CADM2: variants seen among roughly 807,000 people sequenced by gnomAD.
CADM2 encodes the protein immunoglobulin superfamily member 4D.
A neutral mutation model predicts 49.8 loss-of-function variants in CADM2; 12 were observed. The observed-to-expected ratio is 0.24, with a 90% CI of 0.15 to 0.39. CADM2 has a LOEUF of 0.39. Among genes scored for constraint, CADM2 ranks in the 10% least tolerant of loss-of-function variants. The probability of loss-of-function intolerance (pLI) is 1.00; values close to 1 mark genes in which losing one functional copy is unlikely to be tolerated. For synonymous variants in CADM2, 214 were observed against 175.4 expected, an observed-to-expected ratio of 1.22 and a Z score of -1.74; for missense variants, 378 against 492.3, an observed-to-expected ratio of 0.77 and a Z score of 2.20.
At chr3:85,506,597 C>T (rs1397390633) in intron 1 of CADM2, among the ~76,000 whole-genome samples, 1 of 151,876 alleles carries the variant, frequency 6.6e-6, no homozygotes, top group Non-Finnish European at 1.5e-5. Flanking sequence ...CGGGATATCA[C>T]TATGTTGCCC....
At chr3:85,745,109 A>T (rs2068560481) in intron 2 of CADM2, among the ~76,000 whole-genome samples, 1 of 152,152 alleles carries the variant, frequency 6.6e-6, no homozygotes, top group South Asian at 2.1e-4. Flanking sequence ...GAGAAAGGAA[A>T]GAGTCAAGGG....
chr3:85,979,469 T>A (rs2108663775), intron 8 of CADM2, among the ~76,000 whole-genome samples: 1 of 151,812 alleles, frequency 6.6e-6, no homozygotes, highest in African/African-American at 2.4e-5. Flanking sequence ...ATTTTATTTT[T>A]TTTAGTGTTA....
intron 1 of CADM2, among the ~76,000 whole-genome samples, chr3:85,272,906 C>A (rs2043273646): frequency 6.6e-6 from 1 of 151,208 alleles, no homozygotes; most frequent in Admixed American, 6.6e-5. Context: ...TAAGCAACAA[C>A]AACAACAACA....
intron 1 of CADM2, among the ~76,000 whole-genome samples, chr3:85,339,818 A>G (rs1461832611): frequency 1.3e-5 from 2 of 151,480 alleles, no homozygotes; most frequent in Non-Finnish European, 3.0e-5. Flanking sequence ...TGAAAGCTGT[A>G]TAACCAGTGA....
At chr3:85,228,483 C>G (rs1216440959) in intron 1 of CADM2, among the ~76,000 whole-genome samples, 3 of 151,652 alleles carry the variant, frequency 2.0e-5, no homozygotes, top group Non-Finnish European at 4.4e-5. Context: ...ATGTTGGTGA[C>G]CTGTGGATAG....
At chr3:84,977,513 A>G (rs926561195) in intron 1 of CADM2, among the ~76,000 whole-genome samples, 5 of 152,064 alleles carry the variant, frequency 3.3e-5, no homozygotes, top group African/African-American at 7.2e-5. Context: ...TTGTGAAAAG[A>G]TACATTTTTT....
chr3:85,981,282 G>A (rs1727452400), intron 8 of CADM2, among the ~76,000 whole-genome samples: 2 of 151,350 alleles, frequency 1.3e-5, no homozygotes, highest in African/African-American at 4.8e-5. Flanking sequence ...ATATTTCAAA[G>A]TGAAACTAAC....
intron 8 of CADM2, among the ~76,000 whole-genome samples, chr3:86,040,684 C>A (rs1735777994): frequency 1.3e-5 from 2 of 152,074 alleles, no homozygotes; most frequent in South Asian, 2.1e-4. Flanking sequence ...GAGAACTTCC[C>A]CAATCTAGCA....
rs573663072 is a variant in CADM2, at chr3:85,566,279, A to G, written c.62-160243A>G. Among the ~76,000 whole-genome samples the G allele has an allele frequency of 2.6e-5, 4 of 152,286 alleles. No homozygotes were observed. The South Asian group carries it at 8.3e-4, about 32-fold the overall frequency. On this transcript the variant is annotated intron_variant, in intron 1 of 9. Transcript: ENST00000383699. Reference sequence around the variant, plus strand: ...AATACATTCCTTTCTAGAAAACAATAGAAATTTGAAAGTAGATGAGATTAT... The same window carrying G: ...AATACATTCCTTTCTAGAAAACAATGGAAATTTGAAAGTAGATGAGATTAT...
intron 1 of CADM2, among the ~76,000 whole-genome samples, chr3:85,205,172 C>T (rs975382106): frequency 6.6e-6 from 1 of 150,782 alleles, no homozygotes; most frequent in South Asian, 2.1e-4. Context: ...CAGGTGCCAC[C>T]GTGCCTGGTT....
At chr3:85,657,727 CAGATATATATAT>C (rs1559574588) in intron 1 of CADM2, among the ~76,000 whole-genome samples, 1,706 of 103,016 alleles carry the variant, frequency 0.017, 13 homozygotes, top group Non-Finnish European at 0.023. Context: ...TATATATATA[CAGATATATATAT>C]ACAGATATAT....
chr3:85,734,590 CAT>C (rs1160270474), intron 2 of CADM2, among the ~76,000 whole-genome samples: 3 of 148,630 alleles, frequency 2.0e-5, no homozygotes, highest in East Asian at 2.0e-4. Context: ...TACACATACA[CAT>C]ATATATACAT....
chr3:85,043,817 A>G (rs1328736462), intron 1 of CADM2, among the ~76,000 whole-genome samples: 3 of 152,308 alleles, frequency 2.0e-5, no homozygotes, highest in East Asian at 1.9e-4. Flanking sequence ...AGAAGAAACC[A>G]TACTTTTGCT....
At chr3:85,181,276 T>C (rs1022804347) in intron 1 of CADM2, among the ~76,000 whole-genome samples, 2 of 152,138 alleles carry the variant, frequency 1.3e-5, no homozygotes, top group African/African-American at 4.8e-5. Context: ...AAATTATCCT[T>C]AGAAACCCAT....
intron 8 of CADM2, among the ~76,000 whole-genome samples, chr3:86,051,629 A>G (rs1737353254): frequency 6.6e-6 from 1 of 152,172 alleles, no homozygotes; most frequent in Admixed American, 6.6e-5. Context: ...CTGTACAGGA[A>G]GCATGATCCT....
At chr3:86,008,703 T>C (rs2106885047) in intron 8 of CADM2, among the ~76,000 whole-genome samples, 1 of 152,170 alleles carries the variant, frequency 6.6e-6, no homozygotes, top group South Asian at 2.1e-4. Flanking sequence ...TATTGAATGC[T>C]TTTTTCTAGT....
At chr3:85,524,551 G>A (rs1464276809) in intron 1 of CADM2, among the ~76,000 whole-genome samples, 2 of 152,032 alleles carry the variant, frequency 1.3e-5, no homozygotes, top group Admixed American at 6.6e-5. Flanking sequence ...GGCTTAGCAC[G>A]TGTTCTATCT....
At chr3:85,905,659 G>T (rs1199723275) in intron 5 of CADM2, among the ~76,000 whole-genome samples, 1 of 151,800 alleles carries the variant, frequency 6.6e-6, no homozygotes, top group Admixed American at 6.6e-5. Context: ...AACAGAAAAA[G>T]AAAAATAATT....
At chr3:85,998,069 G>A (rs983187515) in intron 8 of CADM2, among the ~76,000 whole-genome samples, 1 of 152,124 alleles carries the variant, frequency 6.6e-6, no homozygotes, top group Non-Finnish European at 1.5e-5. Flanking sequence ...GGTGAGGGAA[G>A]AGGGTATTTA....
Sources: allele counts gnomAD v4.1 joint callset (sites outside exome capture counted in the v4.1 genomes callset), GRCh38; gene constraint gnomAD v4.1.1; transcripts MANE v1.5; gene names NCBI Gene and HGNC (gene_info 2026-07-23, HGNC 2026-07-21).